Variants in TMEM108 observed in about 807,000 individuals in gnomAD.
TMEM108 encodes transmembrane protein 108.
In TMEM108, 12 loss-of-function variants were observed where a neutral mutation model predicts 35.1. That is an observed-to-expected ratio of 0.34 (90% CI 0.22 to 0.55). The LOEUF (loss-of-function observed/expected upper bound fraction) is 0.55, where lower values mean the gene tolerates loss of function less well. Ranked by LOEUF, TMEM108 falls within the 20% of genes least tolerant of loss-of-function variation. The pLI, the probability that TMEM108 is intolerant of heterozygous loss-of-function variation, is 0.89. For synonymous variants in TMEM108, 287 were observed against 308.6 expected, an observed-to-expected ratio of 0.93 and a Z score of 0.73; for missense variants, 680 against 753.3, an observed-to-expected ratio of 0.90 and a Z score of 1.14.
At chr3:133,361,788 A>G (rs2072357381) in intron 3 of TMEM108, among the ~76,000 whole-genome samples, 1 of 152,196 alleles carries the variant, frequency 6.6e-6, no homozygotes, top group East Asian at 1.9e-4. Flanking sequence ...AACTCATGGA[A>G]TAACTTCTGC....
intron 3 of TMEM108, among the ~76,000 whole-genome samples, chr3:133,344,554 A>C (rs531147641): frequency 1.0e-3 from 153 of 150,120 alleles, no homozygotes; most frequent in African/African-American, 3.2e-3. Context: ...AATTCAGCCC[A>C]AAAAAAAATC....
At position 133,388,761 on chromosome 3, in the gene TMEM108, C is replaced by T. The variant is rs1363761576; in HGVS notation, c.1451-1419C>T. On this transcript the variant is annotated intron_variant, in intron 4 of 5. Transcript: ENST00000321871. ...AGCTGGAAAGAAAGCTACAGAATTC[C>T]CCAGGCAGCCTACAGGGCCCTGGGC... 9 of 985,318 alleles carry T rather than the reference C, an allele frequency of 9.1e-6. No individual in the cohort carries two copies. In the South Asian group the frequency reaches 2.3e-4, roughly 26 times the overall value. 61.0% of individuals were successfully genotyped at this position (985,318 alleles called of 1,614,324 possible). A position where few individuals can be genotyped will look rare whatever the true frequency, so the allele number is the denominator to read the frequency against.
intron 2 of TMEM108, among the ~76,000 whole-genome samples, chr3:133,117,775 G>A (rs1944305502): frequency 6.6e-6 from 1 of 151,966 alleles, no homozygotes; most frequent in South Asian, 2.1e-4. Flanking sequence ...CACCGGGTTT[G>A]GAAAAAAAAT....
chr3:133,205,792 C>T (rs1211074768), intron 2 of TMEM108, among the ~76,000 whole-genome samples: 2 of 151,880 alleles, frequency 1.3e-5, no homozygotes, highest in African/African-American at 4.8e-5. Context: ...TTGCTCTTCT[C>T]AAGGAGTATC....
At chr3:133,244,318 G>A (rs536629241) in intron 3 of TMEM108, among the ~76,000 whole-genome samples, 5 of 152,144 alleles carry the variant, frequency 3.3e-5, no homozygotes, top group South Asian at 2.1e-4. Context: ...ACCTCATCTC[G>A]CTTCCATTGC....
At chr3:133,065,019 G>C (rs1023417273) in intron 2 of TMEM108, among the ~76,000 whole-genome samples, 1 of 152,092 alleles carries the variant, frequency 6.6e-6, no homozygotes, top group Non-Finnish European at 1.5e-5. Flanking sequence ...ACCCCTTCCA[G>C]CCTGTAAACT....
chr3:133,363,022 A>G (rs1434914917), intron 3 of TMEM108, among the ~76,000 whole-genome samples: 1 of 152,168 alleles, frequency 6.6e-6, no homozygotes, highest in Admixed American at 6.5e-5. Flanking sequence ...GCAGAATGGG[A>G]TGGAGATGTG....
At chr3:133,382,534 T>A (rs941093855) in intron 4 of TMEM108, among the ~76,000 whole-genome samples, 2 of 152,230 alleles carry the variant, frequency 1.3e-5, no homozygotes. Flanking sequence ...GCATTCCACC[T>A]GTGTCTGGCT....
intron 3 of TMEM108, among the ~76,000 whole-genome samples, chr3:133,349,145 T>C (rs2071913147): frequency 6.6e-6 from 1 of 152,132 alleles, no homozygotes; most frequent in African/African-American, 2.4e-5. Context: ...ATTTCATTAA[T>C]AGCCAAAGGA....
At chr3:133,061,122 A>G (rs1943529398) in intron 2 of TMEM108, among the ~76,000 whole-genome samples, 1 of 152,190 alleles carries the variant, frequency 6.6e-6, no homozygotes, top group Non-Finnish European at 1.5e-5. Context: ...CTGTTCAATA[A>G]AATCTTAGCA....
intron 2 of TMEM108, among the ~76,000 whole-genome samples, chr3:133,117,665 T>G (rs1944303801): frequency 6.6e-6 from 1 of 152,208 alleles, no homozygotes; most frequent in South Asian, 2.1e-4. Flanking sequence ...TGTGGCAAAG[T>G]TGTCATGTTT....
At chr3:133,314,311 T>C (rs748532067) in intron 3 of TMEM108, among the ~76,000 whole-genome samples, 3 of 152,158 alleles carry the variant, frequency 2.0e-5, no homozygotes, top group Non-Finnish European at 4.4e-5. Flanking sequence ...TCTCATCCAG[T>C]TAATAGGAGA....
chr3:133,178,907 T>C (rs1474382151), intron 2 of TMEM108, among the ~76,000 whole-genome samples: 2,451 of 151,952 alleles, frequency 0.016, 79 homozygotes, highest in Admixed American at 0.058. Flanking sequence ...TGCAATCTAC[T>C]CATCTGACAA....
intron 2 of TMEM108, among the ~76,000 whole-genome samples, chr3:133,204,235 T>TA (rs946950590): frequency 4.5e-4 from 67 of 149,142 alleles, no homozygotes; most frequent in Non-Finnish European, 6.6e-4. Flanking sequence ...TGTTAATCTT[T>TA]AAAAAAAAAA....
intron 5 of TMEM108, among the ~76,000 whole-genome samples, chr3:133,390,544 A>G (rs2073218710): frequency 7.8e-6 from 1 of 127,982 alleles, no homozygotes. Context: ...CTTTCTGCAC[A>G]GTAAATTTTG....
Position 133,346,957 on chromosome 3 carries a change from G to T in TMEM108, c.41-32795G>T, listed in dbSNP as rs555399089. ...TCAAAGATCAGTTGACTTTATTTGC[G>T]TGAGTCTGTCTCTGGACCCTATTCT... On this transcript the variant is annotated intron_variant, in intron 3 of 5. Transcript: ENST00000321871. The surrounding 1 kb of genome is among the most constrained non-coding windows in gnomAD (Gnocchi z 4.0). 6.6e-6 allele frequency among the ~76,000 whole-genome samples: 1 copy of T among 152,032 alleles called. No individual in the cohort carries two copies. The highest frequency in any genetic ancestry group is 2.1e-4 in the South Asian group (1 of 4,828).
At position 133,117,340 on chromosome 3, in the gene TMEM108, T is replaced by G. The variant is rs188992223; in HGVS notation, c.-47+71320T>G. 8.5e-5 allele frequency among the ~76,000 whole-genome samples: 13 copies of G among 152,220 alleles called. No homozygotes were observed. The East Asian group carries it at 2.1e-3, about 25-fold the overall frequency. On this transcript the variant is annotated intron_variant, in intron 2 of 5. Coordinates refer to ENST00000321871, the MANE Select transcript of TMEM108 (RefSeq NM_023943.4). The stretch of plus-strand genomic sequence containing the variant: ...GCTCAAAAGCAAGTCAATCAGCGAG[T>G]AATAGAGTTCAGAATCTTTATTCTC...
intron 3 of TMEM108, among the ~76,000 whole-genome samples, chr3:133,333,727 A>C (rs143545985): frequency 5.3e-5 from 8 of 152,304 alleles, no homozygotes; most frequent in African/African-American, 1.9e-4. Flanking sequence ...AGATATTCAG[A>C]GTTTTGGGTC....
chr3:133,278,114 A>C (rs1001401084), intron 3 of TMEM108, among the ~76,000 whole-genome samples: 3 of 152,372 alleles, frequency 2.0e-5, no homozygotes. Context: ...GTCAGGTTAT[A>C]GGCTTAAAAG....
Sources: allele counts gnomAD v4.1 joint callset (sites outside exome capture counted in the v4.1 genomes callset), GRCh38; gene constraint gnomAD v4.1.1; non-coding constraint Gnocchi (gnomAD v3.1); transcripts MANE v1.5; gene names NCBI Gene and HGNC (gene_info 2026-07-23, HGNC 2026-07-21).